The following NIP7 variants were observed in gnomAD, a reference collection of about 807,000 sequenced individuals.
NIP7 encodes nucleolar pre-rRNA processing protein NIP7.
Under a neutral mutation model 20.1 loss-of-function variants are expected in NIP7, and 12 were observed. That is an observed-to-expected ratio of 0.60 (90% CI 0.38 to 0.97). The LOEUF is 0.97. Ranked by LOEUF, NIP7 falls within the 50% of genes least tolerant of loss-of-function variation. The pLI is 0.00. For missense variants in NIP7, 226 were observed against 226.6 expected (o/e 1.00, Z 0.02); for synonymous variants, 103 against 87.2 (o/e 1.18, Z -1.01).
chr16:69,340,139 C>T (rs778502538), intron 2 of NIP7, 47 bp downstream of exon 2: 3 of 1,613,268 alleles, frequency 1.9e-6, no homozygotes, highest in African/African-American at 1.3e-5. Flanking sequence ...GAGAGGGGTC[C>T]TGGGTCCCAC....
intron 3 of NIP7, 36 bp downstream of exon 3, chr16:69,340,368 T>G: frequency 6.2e-7 from 1 of 1,601,854 alleles, no homozygotes. Context: ...CCACGGGCGA[T>G]GAAGTCAAGG....
Position 69,340,006 on chromosome 16 carries a change from C to T in NIP7, c.57C>T (p.Tyr19=). 1 of 1,614,108 alleles carries T rather than the reference C, an allele frequency of 6.2e-7. No individual in the cohort carries two copies. The highest frequency in any genetic ancestry group is 8.5e-7 in the Non-Finnish European group (1 of 1,180,026). Residue 19 remains tyrosine (Y), a splice_region_variant and synonymous_variant, in exon 2 of 5, where the codon TAC becomes TAT. Transcript: ENST00000254940. ...TCTCCAGTCCTCTTTTTGCCCTCAG[C>T]ATTGGGGAGAATCTTCAACTGCTGG... ...TRVMFEKIAK[Y]IGENLQLLVD...
At position 69,341,705 on chromosome 16, in the gene NIP7, C is replaced by A. The variant is rs1374023567; in HGVS notation, c.*53C>A. ...TGTATGGAAAGGCCGAGCTTTGTTT[C>A]CTGTGTTTGTGTGGACTCCACCATC... On this transcript the variant is annotated 3_prime_UTR_variant, in exon 5 of 5. Coordinates refer to ENST00000254940, the MANE Select transcript of NIP7 (RefSeq NM_016101.5). 1 of 1,606,954 alleles carries A rather than the reference C, an allele frequency of 6.2e-7. No individual in the cohort carries two copies. The highest frequency in any genetic ancestry group is 1.3e-5 in the African/African-American group (1 of 74,712).
intron 3 of NIP7, 32 bp from the exon 4 acceptor site, chr16:69,341,148 T>G: frequency 6.3e-7 from 1 of 1,591,890 alleles, no homozygotes; most frequent in Non-Finnish European, 8.6e-7. Context: ...TAGTAACGTT[T>G]TTATGTCTCT....
At position 69,340,047 on chromosome 16, in the gene NIP7, G is replaced by A; in HGVS notation, c.98G>A (p.Gly33Asp). The A allele has an allele frequency of 6.2e-7, 1 of 1,614,098 alleles. No individual in the cohort carries two copies. Among genetic ancestry groups the A allele is most frequent in the Non-Finnish European group, 8.5e-7 (1 of 1,180,014 alleles). The change falls in exon 2 of 5, where the codon GGC becomes GAC. Residue 33 changes from glycine to aspartate, a missense_variant. Coordinates refer to ENST00000254940, the MANE Select transcript of NIP7 (RefSeq NM_016101.5). ...CAACTGCTGGTGGACCGGCCCGATG[G>A]CACCTACTGTTTCCGTCTGCACAAC... Reference protein sequence around the residue: ...NLQLLVDRPDGTYCFRLHNDR... With the variant: ...NLQLLVDRPDDTYCFRLHNDR...
chr16:69,341,442 C>A, intron 4 of NIP7, 91 bp from the exon 5 acceptor site: 1 of 1,580,630 alleles, frequency 6.3e-7, no homozygotes, highest in Non-Finnish European at 8.6e-7. Flanking sequence ...AAGACCAGAA[C>A]TGTATTTTTT....
At position 69,339,984 on chromosome 16, in the gene NIP7, C is replaced by T. The variant is rs80066848; in HGVS notation, c.57-22C>T. On this transcript the variant is annotated intron_variant, in intron 1 of 4. Transcript: ENST00000254940. Reference sequence around the variant, plus strand: ...AGACCGGTTCGTTCGGGCGCGGTCTCCAGTCCTCTTTTTGCCCTCAGCATT... The same window carrying T: ...AGACCGGTTCGTTCGGGCGCGGTCTTCAGTCCTCTTTTTGCCCTCAGCATT... 1.3e-3 allele frequency: 2,058 copies of T among 1,613,450 alleles called. 22 individuals carry two copies. The African/African-American group carries it at 0.02, about 15-fold the overall frequency.
At position 69,342,599 on chromosome 16, in the gene NIP7, G is replaced by A. The variant is rs2012590404; in HGVS notation, c.*947G>A. On this transcript the variant is annotated 3_prime_UTR_variant, in exon 5 of 5. Coordinates refer to ENST00000254940, the MANE Select transcript of NIP7 (RefSeq NM_016101.5). ...TGACAGAGTGAGACTCCATCTGATT[G>A]TAAAGCATCTAGTACAGTGTACAGT... 2 of 152,112 alleles carry A rather than the reference G, an allele frequency of 1.3e-5. No homozygotes were observed. The highest frequency in any genetic ancestry group is 2.4e-5 in the African/African-American group (1 of 41,422). The allele number at this position is 152,112 out of a possible 1,614,324, so 9.4% of individuals were successfully genotyped here.
chr16:69,341,723 CCACCAT>C lies in NIP7; in HGVS notation c.*74_*79del. ...TTTGTTTCCTGTGTTTGTGTGGACT[CCACCAT>C]CATGTTGAATTTTGTCAACACTCTG... is the stretch of plus-strand genomic sequence containing the variant. On this transcript the variant is annotated 3_prime_UTR_variant, in exon 5 of 5. Coordinates refer to ENST00000254940, the MANE Select transcript of NIP7 (RefSeq NM_016101.5). 3 of 1,581,264 alleles carry C rather than the reference CCACCAT, an allele frequency of 1.9e-6. No individual in the cohort carries two copies. Among genetic ancestry groups the C allele is most frequent in the Non-Finnish European group, 2.6e-6 (3 of 1,157,998 alleles).
intron 3 of NIP7, chr16:69,340,712 TTTC>T: frequency 4.5e-6 from 1 of 222,654 alleles, no homozygotes; most frequent in Non-Finnish European, 8.9e-6. Flanking sequence ...TGCTCTGTTT[TTTC>T]TTTTCATTTC....
At position 69,339,847 on chromosome 16, in the gene NIP7, A is replaced by G. The variant is rs772073790; in HGVS notation, c.18A>G (p.Glu6=). MRPLT[E]EETRVMFEKI... is the part of the protein sequence containing the mutation. ...GGGGAAAAATGCGGCCTTTGACTGA[A>G]GAGGAGACCCGTGTCATGTTTGAGA... The change falls in exon 1 of 5, where the codon GAA becomes GAG. Residue 6 remains glutamate (E), a synonymous_variant. Transcript: ENST00000254940. 4.3e-6 allele frequency: 7 copies of G among 1,613,384 alleles called. No homozygotes were observed. The highest frequency in any genetic ancestry group is 1.7e-5 in the Admixed American group (1 of 59,990).
At chr16:69,341,477 A>T (rs968745579) in intron 4 of NIP7, 56 bp from the exon 5 acceptor site, 21 of 1,603,230 alleles carry the variant, frequency 1.3e-5, no homozygotes, top group Non-Finnish European at 1.4e-5. Flanking sequence ...TCCAGCCCTC[A>T]ATATGGGCAT....
rs545246194 is a variant in NIP7 at position 69,341,189 on chromosome 16, T to G, written c.292T>G (p.Trp98Gly). The change falls in exon 4 of 5, where the codon TGG becomes GGG. Residue 98 changes from tryptophan to glycine, a missense_variant. Transcript: ENST00000254940. ...YLAPYAKYKVWIKPGAEQSFL... is the reference protein window; with the variant it reads ...YLAPYAKYKVGIKPGAEQSFL... Reference sequence around the variant, plus strand: ...TTTAATTCTCTTATAGTATAAAGTTTGGATAAAGCCTGGTGCAGAGCAGTC... The same window carrying G: ...TTTAATTCTCTTATAGTATAAAGTTGGGATAAAGCCTGGTGCAGAGCAGTC... 6 of 1,613,474 alleles carry G rather than the reference T, an allele frequency of 3.7e-6. No individual in the cohort carries two copies. Among genetic ancestry groups the G allele is most frequent in the African/African-American group, 1.3e-5 (1 of 74,998 alleles).
At chr16:69,341,022 A>AT in intron 3 of NIP7, 158 bp from the exon 4 acceptor site, 1 of 665,694 alleles carries the variant, frequency 1.5e-6, no homozygotes, top group South Asian at 2.0e-5. Flanking sequence ...AACTTCCTGC[A>AT]TTTCTGTTCA....
chr16:69,341,917 T>A lies in NIP7; in HGVS notation c.*265T>A. ...TCAGAGGGCTTCTTGTTCTGAGAAA[T>A]AGGTTCAAAATCATTGGAACCAGGA... On this transcript the variant is annotated 3_prime_UTR_variant, in exon 5 of 5. Coordinates refer to ENST00000254940, the MANE Select transcript of NIP7 (RefSeq NM_016101.5). 1 of 306,536 alleles carries A rather than the reference T, an allele frequency of 3.3e-6. No individual in the cohort carries two copies. Among genetic ancestry groups the A allele is most frequent in the South Asian group, 6.3e-5 (1 of 16,000 alleles). The allele number at this position is 306,536 out of a possible 1,614,324, so 19.0% of individuals were successfully genotyped here.
Position 69,341,706 on chromosome 16 carries a change from CTG to C in NIP7, c.*58_*59del, listed in dbSNP as rs2012562237. On this transcript the variant is annotated 3_prime_UTR_variant, in exon 5 of 5. Transcript: ENST00000254940. ...GTATGGAAAGGCCGAGCTTTGTTTC[CTG>C]TGTTTGTGTGGACTCCACCATCATG... 1 of 1,606,852 alleles carries C rather than the reference CTG, an allele frequency of 6.2e-7. No homozygotes were observed. The highest frequency in any genetic ancestry group is 2.2e-5 in the East Asian group (1 of 44,796).
intron 4 of NIP7, 38 bp downstream of exon 4, chr16:69,341,358 T>C (rs1295004108): frequency 1.2e-6 from 2 of 1,607,024 alleles, no homozygotes; most frequent in Admixed American, 3.4e-5. Flanking sequence ...ACTCAAGTAC[T>C]CTTATTCAAG....
chr16:69,339,845 G>C lies in NIP7; in HGVS notation c.16G>C (p.Glu6Gln), dbSNP rs748132467. The C allele has an allele frequency of 5.0e-6, 8 of 1,613,466 alleles. 1 individual carries two copies. The South Asian group carries it at 8.8e-5, about 18-fold the overall frequency. The change falls in exon 1 of 5, where the codon GAA becomes CAA. Residue 6 changes from glutamate to glutamine, a missense_variant. Physicochemically the swap from Glu to Gln is conservative, Grantham distance 29. Transcript: ENST00000254940. ...AGGGGGAAAAATGCGGCCTTTGACT[G>C]AAGAGGAGACCCGTGTCATGTTTGA... MRPLTEEETRVMFEKI... is the reference protein window; with the variant it reads MRPLTQEETRVMFEKI...
chr16:69,341,784 C>T lies in NIP7; in HGVS notation c.*132C>T. On this transcript the variant is annotated 3_prime_UTR_variant, in exon 5 of 5. Transcript: ENST00000254940. ...CTTCAGGGACTTCTTATTTACTGTA[C>T]TCTCTATCACTGACAAATGCAGGCT... 3.0e-6 allele frequency: 3 copies of T among 1,016,628 alleles called. No homozygotes were observed. Among genetic ancestry groups the T allele is most frequent in the Non-Finnish European group, 1.4e-6 (1 of 691,004 alleles). The allele number at this position is 1,016,628 out of a possible 1,614,324, so 63.0% of individuals were successfully genotyped here.
Sources: gnomAD v4.1 joint callset for allele counts on GRCh38, gnomAD v4.1.1 for gene constraint, MANE v1.5 for transcripts, NCBI Gene and HGNC (gene_info 2026-07-23, HGNC 2026-07-21) for gene names.